Variants in MATN2 observed in about 807,000 individuals in gnomAD.
MATN2 encodes matrilin-2.
In MATN2, 69 loss-of-function variants were observed where a neutral mutation model predicts 103.2. That is an observed-to-expected ratio of 0.67 (90% CI 0.55 to 0.82). The LOEUF (loss-of-function observed/expected upper bound fraction) is 0.82, where lower values mean the gene tolerates loss of function less well. Ranked by LOEUF, MATN2 falls within the 40% of genes least tolerant of loss-of-function variation. The pLI is 0.00. For missense variants in MATN2, 1,023 were observed against 1,211.5 expected, an observed-to-expected ratio of 0.84 and a Z score of 2.31; for synonymous variants, 429 against 450.2, an observed-to-expected ratio of 0.95 and a Z score of 0.60.
chr8:98,033,115 G>A lies in MATN2; in HGVS notation c.2655G>A (p.Leu885=), dbSNP rs762513561. Residue 885 remains leucine (L), a synonymous_variant, in exon 17 of 19, where the codon CTG becomes CTA. Coordinates refer to ENST00000254898, the MANE Select transcript of MATN2 (RefSeq NM_002380.5). ...CSNFAVQHRY[L]FEEDNLLRST... ...ATTTTGCAGTGCAACACAGATATCT[G>A]TTTGAAGAAGACAATCTTTTACGGT... The A allele has an allele frequency of 1.9e-5, 31 of 1,611,056 alleles. No homozygotes were observed. The highest frequency in any genetic ancestry group is 1.0e-4 in the Admixed American group (6 of 59,576).
At chr8:97,949,422 C>T (rs1472207956) in intron 4 of MATN2, among the ~76,000 whole-genome samples, 1 of 152,070 alleles carries the variant, frequency 6.6e-6, no homozygotes, top group Non-Finnish European at 1.5e-5. Flanking sequence ...CATCTGTCCA[C>T]CTCAGCCTCC....
At chr8:98,003,487 T>G (rs1812852904) in intron 7 of MATN2, among the ~76,000 whole-genome samples, 174 bp from the exon 8 acceptor site, 1 of 152,182 alleles carries the variant, frequency 6.6e-6, no homozygotes, top group South Asian at 2.1e-4. Context: ...TGAATCTAGC[T>G]CAAGGCCTGG....
chr8:97,941,912 T>G lies in MATN2; in HGVS notation c.835+13T>G. The G allele has an allele frequency of 1.9e-6, 3 of 1,611,858 alleles. No individual in the cohort carries two copies. The highest frequency in any genetic ancestry group is 2.5e-6 in the Non-Finnish European group (3 of 1,178,518). ...ACGACTTGCAGAAGTAAGATTGCTT[T>G]GCTGATGTATTTGTGGTTTCTTCCT... On this transcript the variant is annotated intron_variant, in intron 4 of 18. Transcript: ENST00000254898.
At chr8:97,869,844 T>A (rs893410998) in intron 1 of MATN2, among the ~76,000 whole-genome samples, 2 of 152,096 alleles carry the variant, frequency 1.3e-5, no homozygotes, top group Non-Finnish European at 2.9e-5. Context: ...CCAGAACAAT[T>A]TGGAGCCGTT....
In MATN2 at chr8:98,016,592, C is replaced by T. The variant is rs1432898137; in HGVS notation, c.1626C>T (p.Ser542=). The T allele has an allele frequency of 3.1e-6, 5 of 1,611,614 alleles. No homozygotes were observed. Among genetic ancestry groups the T allele is most frequent in the Non-Finnish European group, 8.5e-7 (1 of 1,178,750 alleles). ...ACGGTTGTGAACATTCGTGTGTAAG[C>T]AGTGAAGATTCGTTTGTGTGCCAGT... ...GDHGCEHSCV[S]SEDSFVCQCF... is the part of the protein sequence containing the mutation. Residue 542 remains serine, a synonymous_variant, in exon 11 of 19, where the codon AGC becomes AGT. Coordinates refer to ENST00000254898, the MANE Select transcript of MATN2 (RefSeq NM_002380.5).
At chr8:97,978,854 T>C in intron 5 of MATN2, 32 bp from the exon 6 acceptor site, 1 of 1,612,890 alleles carries the variant, frequency 6.2e-7, no homozygotes, top group Non-Finnish European at 8.5e-7. Flanking sequence ...CTGTTTGCAT[T>C]TCTAATTCTG....
At chr8:97,973,016 G>A (rs547961661) in intron 5 of MATN2, among the ~76,000 whole-genome samples, 3 of 152,300 alleles carry the variant, frequency 2.0e-5, no homozygotes, top group East Asian at 3.9e-4. Context: ...AACCAAGAAA[G>A]TTATGCAAAC....
chr8:97,881,968 C>G (rs1227450281), intron 1 of MATN2, among the ~76,000 whole-genome samples: 2 of 127,570 alleles, frequency 1.6e-5, no homozygotes, highest in Non-Finnish European at 3.2e-5. Context: ...GTTGCCCAGG[C>G]TGGAGTGCAA....
Position 97,941,782 on chromosome 8 carries a change from C to T in MATN2, c.718C>T (p.His240Tyr). ...TCCTGTGTCTTCCCTTTCAGCGGCC[C>T]ATATGTGCAGCACCCTGGAGCATAA... ...SVFQKKLCTA[H>Y]MCSTLEHNCA... Residue 240 changes from histidine to tyrosine, a missense_variant, in exon 4 of 19, where the codon CAT becomes TAT. Transcript: ENST00000254898. 6.3e-7 allele frequency: 1 copy of T among 1,594,424 alleles called. No individual in the cohort carries two copies. Among genetic ancestry groups the T allele is most frequent in the Non-Finnish European group, 8.5e-7 (1 of 1,170,392 alleles).
At chr8:97,880,554 T>G (rs1333099522) in intron 1 of MATN2, among the ~76,000 whole-genome samples, 1 of 152,226 alleles carries the variant, frequency 6.6e-6, no homozygotes, top group Non-Finnish European at 1.5e-5. Flanking sequence ...TGCATGTCTC[T>G]CAATTAATTG....
At chr8:97,989,664 G>C (rs1217912673) in intron 6 of MATN2, among the ~76,000 whole-genome samples, 1 of 151,930 alleles carries the variant, frequency 6.6e-6, no homozygotes, top group East Asian at 1.9e-4. Context: ...CAATAAGACA[G>C]AGAAAGATCA....
chr8:97,887,347 C>T (rs535869140), intron 1 of MATN2, among the ~76,000 whole-genome samples: 2 of 152,270 alleles, frequency 1.3e-5, no homozygotes, highest in South Asian at 4.1e-4. Flanking sequence ...GGCACCTAGA[C>T]TTGACCCTGG....
chr8:97,959,125 G>A (rs753058448), intron 4 of MATN2, among the ~76,000 whole-genome samples: 2 of 152,132 alleles, frequency 1.3e-5, no homozygotes, highest in African/African-American at 4.8e-5. Context: ...TACCTCGCAT[G>A]TTAGTTATTT....
rs372075735 is a variant in MATN2, at chr8:98,030,953, G to A, written c.2509+339G>A. 2.8e-3 allele frequency among the ~76,000 whole-genome samples: 429 copies of A among 152,026 alleles called. 2 individuals are homozygous for A. Among genetic ancestry groups the A allele is most frequent in the South Asian group, 3.3e-3 (16 of 4,784 alleles). On this transcript the variant is annotated intron_variant, in intron 15 of 18. Transcript: ENST00000254898. ...GCTGGGATTACAGGCGTGAGCCACC[G>A]TGTCCGGCCAGCATGAACCTTTAGT...
intron 7 of MATN2, 125 bp downstream of exon 7, chr8:97,994,727 C>T (rs1812512714): frequency 1.9e-6 from 2 of 1,069,502 alleles, no homozygotes; most frequent in Non-Finnish European, 2.6e-6. Context: ...TAACATTATT[C>T]TCCCCTTTAT....
intron 13 of MATN2, among the ~76,000 whole-genome samples, chr8:98,022,284 TAC>T (rs961360244): frequency 3.8e-4 from 58 of 152,238 alleles, no homozygotes; most frequent in African/African-American, 1.3e-3. Context: ...CACTCTAACA[TAC>T]AGTCTCTCTT....
At chr8:97,944,759 G>T (rs1405550002) in intron 4 of MATN2, among the ~76,000 whole-genome samples, 4 of 152,192 alleles carry the variant, frequency 2.6e-5, no homozygotes. Context: ...CTGCTGATGA[G>T]CAGGGACCTG....
chr8:97,987,893 G>GT (rs1003534074), intron 6 of MATN2, among the ~76,000 whole-genome samples: 8 of 151,540 alleles, frequency 5.3e-5, no homozygotes, highest in South Asian at 2.1e-4. Context: ...ACCAAAATGT[G>GT]TTTTTTTTAG....
rs535134241 is a variant in MATN2, at chr8:97,932,377, G to A, written c.712+855G>A. On this transcript the variant is annotated intron_variant, in intron 3 of 18. Coordinates refer to ENST00000254898, the MANE Select transcript of MATN2 (RefSeq NM_002380.5). ...TTCTCAGCTGACAAAGAGGTCCAGCGTATACAGAGGACCAAGGTGTGGTCC... is the reference window on the plus strand; with the variant it reads ...TTCTCAGCTGACAAAGAGGTCCAGCATATACAGAGGACCAAGGTGTGGTCC... Among the ~76,000 whole-genome samples, 40 of 152,224 alleles carry A rather than the reference G, an allele frequency of 2.6e-4. 1 individual carries two copies. Among genetic ancestry groups the A allele is most frequent in the African/African-American group, 8.9e-4 (37 of 41,548 alleles).
Sources: allele counts gnomAD v4.1 joint callset (sites outside exome capture counted in the v4.1 genomes callset), GRCh38; gene constraint gnomAD v4.1.1; transcripts MANE v1.5; gene names NCBI Gene and HGNC (gene_info 2026-07-23, HGNC 2026-07-21).